Variants in BPTF observed in about 807,000 individuals in gnomAD.
BPTF encodes nucleosome-remodeling factor subunit BPTF.
In BPTF, 18 loss-of-function variants were observed where a neutral mutation model predicts 292.5. The ratio of observed to expected loss-of-function variants is 0.06; its 90% CI spans 0.04 to 0.09. BPTF has a LOEUF of 0.09. Among genes scored for constraint, BPTF ranks in the 10% least tolerant of loss-of-function variants. BPTF has a pLI of 1.00. For synonymous variants in BPTF, 1,225 were observed against 1,251.9 expected, an observed-to-expected ratio of 0.98 and a Z score of 0.45; for missense variants, 2,726 against 3,498.7, an observed-to-expected ratio of 0.78 and a Z score of 5.57.
intron 1 of BPTF, among the ~76,000 whole-genome samples, chr17:67,826,741 A>C (rs1185213614): frequency 6.6e-6 from 1 of 152,108 alleles, no homozygotes; most frequent in East Asian, 1.9e-4. Context: ...TTGTTTTGCA[A>C]ACCTCTTTGC....
At position 67,982,006 on chromosome 17, in the gene BPTF, TA is replaced by T. The variant is rs1568245742; in HGVS notation, c.8727-245del. 1.8e-3 allele frequency: 285 copies of T among 156,622 alleles called. 4 individuals carry two copies. Among genetic ancestry groups the T allele is most frequent in the African/African-American group, 6.3e-3 (253 of 40,304 alleles). The allele number at this position is 156,622 out of a possible 1,614,324, so 9.7% of individuals were successfully genotyped here. A position where few individuals can be genotyped will look rare whatever the true frequency, so the allele number is the denominator to read the frequency against. ...ACAAATATATATATATATATATATA[TA>T]TATATATATATATATATTTAAATAT... On this transcript the variant is annotated intron_variant, in intron 27 of 27. Transcript: ENST00000306378.
intron 26 of BPTF, among the ~76,000 whole-genome samples, chr17:67,971,764 G>A (rs111904805): frequency 0.01 from 1,485 of 147,642 alleles, 15 homozygotes; most frequent in South Asian, 0.025. Flanking sequence ...AGATCGTTGC[G>A]TTGCAGTGAT....
At position 67,848,114 on chromosome 17, in the gene BPTF, A is replaced by G. The variant is rs1268031196; in HGVS notation, c.614-5826A>G. Among the ~76,000 whole-genome samples, 4 of 152,170 alleles carry G rather than the reference A, an allele frequency of 2.6e-5. No individual in the cohort carries two copies. In the South Asian group the frequency reaches 6.2e-4, roughly 24 times the overall value. ...TGTTACATTTTTTCCTTCTAGAAAC[A>G]CACATTATATAGAGAGTTGCCTTTT... On this transcript the variant is annotated intron_variant, in intron 1 of 27. Transcript: ENST00000306378.
intron 1 of BPTF, among the ~76,000 whole-genome samples, chr17:67,832,071 G>A (rs1258426176): frequency 6.6e-6 from 1 of 151,956 alleles, no homozygotes; most frequent in Admixed American, 6.6e-5. Context: ...TGTATTTTTA[G>A]TAGAGACAGG....
At chr17:67,844,312 A>G (rs1378435675) in intron 1 of BPTF, among the ~76,000 whole-genome samples, 6 of 149,804 alleles carry the variant, frequency 4.0e-5, no homozygotes, top group South Asian at 2.1e-4. Context: ...CAGTGGCGCA[A>G]TCTCCGCTCA....
chr17:67,909,461 TTA>T, intron 9 of BPTF, 119 bp from the exon 10 acceptor site: 6 of 711,528 alleles, frequency 8.4e-6, no homozygotes, highest in African/African-American at 1.8e-5. Flanking sequence ...TTTTTTTTTT[TTA>T]AATGAAAAAA....
At position 67,974,154 on chromosome 17, in the gene BPTF, CT is replaced by C. The variant is rs1399833288; in HGVS notation, c.8540-1615del. The stretch of plus-strand genomic sequence containing the variant: ...CCTAGATTGATTGGAGATTACTGGC[CT>C]TTCACTCTCTCAGATATTTATGTCA... On this transcript the variant is annotated intron_variant, in intron 26 of 27. Transcript: ENST00000306378. 5 of 151,780 alleles carry C rather than the reference CT, an allele frequency of 3.3e-5. No homozygotes were observed. In the East Asian group the frequency reaches 9.6e-4, roughly 29 times the overall value. 9.4% of individuals were successfully genotyped at this position (151,780 alleles called of 1,614,324 possible).
At chr17:67,921,455 G>A (rs2063435416) in intron 13 of BPTF, among the ~76,000 whole-genome samples, 1 of 151,904 alleles carries the variant, frequency 6.6e-6, no homozygotes, top group South Asian at 2.1e-4. Flanking sequence ...ATACCCAGGG[G>A]GCAGAAGTTG....
intron 25 of BPTF, 39 bp downstream of exon 25, chr17:67,964,443 A>T: frequency 6.4e-7 from 1 of 1,556,454 alleles, no homozygotes; most frequent in Non-Finnish European, 8.8e-7. Flanking sequence ...AAATGAAATC[A>T]GCCAGCATAA....
intron 7 of BPTF, among the ~76,000 whole-genome samples, chr17:67,898,326 A>C (rs555738061): frequency 3.3e-5 from 5 of 152,328 alleles, no homozygotes. Flanking sequence ...GCACCAGTGC[A>C]CTCCATCCTG....
chr17:67,850,643 G>A (rs1246030735), intron 1 of BPTF, among the ~76,000 whole-genome samples: 1 of 152,024 alleles, frequency 6.6e-6, no homozygotes, highest in African/African-American at 2.4e-5. Flanking sequence ...CTAGGATTAC[G>A]GGCATGAGCC....
intron 26 of BPTF, among the ~76,000 whole-genome samples, chr17:67,968,795 A>G (rs2068424359): frequency 6.7e-6 from 1 of 150,248 alleles, no homozygotes; most frequent in African/African-American, 2.5e-5. Context: ...TCAAAAAAAA[A>G]AAAGAAAGAA....
chr17:67,885,196 A>G (rs1014853503), intron 4 of BPTF, among the ~76,000 whole-genome samples: 7 of 152,184 alleles, frequency 4.6e-5, no homozygotes, highest in African/African-American at 1.2e-4. Context: ...CTGAACTACC[A>G]TGGAAAGACA....
chr17:67,886,387 G>C, intron 4 of BPTF: 1 of 1,100,404 alleles, frequency 9.1e-7, no homozygotes, highest in Non-Finnish European at 1.2e-6. Flanking sequence ...GTGTGTGTGT[G>C]TGTGGTTTTT....
chr17:67,842,557 AAAAG>A (rs1239421774), intron 1 of BPTF, among the ~76,000 whole-genome samples: 3 of 152,220 alleles, frequency 2.0e-5, no homozygotes, highest in African/African-American at 7.2e-5. Flanking sequence ...GTAGGAAATA[AAAAG>A]AAAGGAGTTA....
chr17:67,976,707 A>T (rs2069499061), intron 27 of BPTF, among the ~76,000 whole-genome samples: 3 of 140,546 alleles, frequency 2.1e-5, no homozygotes, highest in Admixed American at 7.5e-5. Context: ...AAAAAAAAAA[A>T]AAAAAAAATA....
At chr17:67,881,766 GCTGAGA>G (rs2060423006) in intron 4 of BPTF, among the ~76,000 whole-genome samples, 1 of 151,172 alleles carries the variant, frequency 6.6e-6, no homozygotes, top group African/African-American at 2.4e-5. Flanking sequence ...CTCCCAAAGT[GCTGAGA>G]CTGCAGGTGT....
intron 7 of BPTF, among the ~76,000 whole-genome samples, chr17:67,895,406 G>C (rs1475699416): frequency 6.7e-6 from 1 of 149,234 alleles, no homozygotes; most frequent in Non-Finnish European, 1.5e-5. Context: ...CTACTAAATG[G>C]TTTTCATTTG....
In BPTF at chr17:67,904,773, T is replaced by C. The variant is rs756336187; in HGVS notation, c.2745T>C (p.His915=). The C allele has an allele frequency of 5.0e-6, 8 of 1,612,990 alleles. No individual in the cohort carries two copies. Among genetic ancestry groups the C allele is most frequent in the African/African-American group, 1.3e-5 (1 of 74,920 alleles). The change falls in exon 9 of 28, where the codon CAT becomes CAC. Residue 915 remains histidine, a synonymous_variant. Transcript: ENST00000306378. ...GTTGGAGCTGGATTAGTAAAACTCA[T>C]GTTTATAGGTTTGTTCCTAAATTGC... ...YGGWSWISKT[H]VYRFVPKLPG... is the part of the protein sequence containing the mutation.
Sources: allele counts gnomAD v4.1 joint callset (sites outside exome capture counted in the v4.1 genomes callset), GRCh38; gene constraint gnomAD v4.1.1; transcripts MANE v1.5; gene names NCBI Gene and HGNC (gene_info 2026-07-23, HGNC 2026-07-21).